The following KIAA1217 variants were observed in gnomAD, a reference collection of about 807,000 sequenced individuals.
The protein encoded by KIAA1217 is sickle tail protein homolog.
In KIAA1217, 88 loss-of-function variants were observed where a neutral mutation model predicts 163.9. That is an observed-to-expected ratio of 0.54 (90% confidence interval 0.45 to 0.64). The LOEUF is 0.64. Among genes scored for constraint, KIAA1217 ranks in the 30% least tolerant of loss-of-function variants. The pLI, the probability that KIAA1217 is intolerant of heterozygous loss-of-function variation, is 0.00. For missense variants in KIAA1217, 2,372 were observed against 2,475.0 expected, an observed-to-expected ratio of 0.96 and a Z score of 0.88; for synonymous variants, 903 against 923.1, an observed-to-expected ratio of 0.98 and a Z score of 0.39.
chr10:24,252,929 G>C (rs577582995), intron 2 of KIAA1217, among the ~76,000 whole-genome samples: 4 of 151,680 alleles, frequency 2.6e-5, no homozygotes, highest in African/African-American at 9.7e-5. Flanking sequence ...GAGGCAGAAA[G>C]ATCGATTGAG....
chr10:24,161,882 T>A (rs552178615), intron 2 of KIAA1217, among the ~76,000 whole-genome samples: 1 of 152,140 alleles, frequency 6.6e-6, no homozygotes, highest in Non-Finnish European at 1.5e-5. Context: ...GGCATAATGG[T>A]TCAAAGTAGA....
intron 2 of KIAA1217, among the ~76,000 whole-genome samples, chr10:24,172,888 G>A (rs2065698133): frequency 6.6e-6 from 1 of 152,154 alleles, no homozygotes; most frequent in South Asian, 2.1e-4. Context: ...AGTGAACTGT[G>A]GACTGTTCCT....
intron 2 of KIAA1217, among the ~76,000 whole-genome samples, chr10:24,226,101 G>A (rs1007376529): frequency 1.3e-5 from 2 of 151,960 alleles, no homozygotes; most frequent in Non-Finnish European, 2.9e-5. Context: ...CCTAAGTTAA[G>A]AAGTCAACAT....
At chr10:23,722,469 T>G (rs1000838049) in intron 1 of KIAA1217, among the ~76,000 whole-genome samples, 5 of 152,170 alleles carry the variant, frequency 3.3e-5, no homozygotes, top group African/African-American at 1.2e-4. Context: ...GCTCTTTAAT[T>G]AGGATAAACA....
rs34564889 is a variant in KIAA1217 at position 24,406,392 on chromosome 10, A to AACACACACAC, written c.553+25344_553+25353dup. Among the ~76,000 whole-genome samples the AACACACACAC allele has an allele frequency of 3.0e-3, 400 of 133,876 alleles. 1 individual carries two copies. Among genetic ancestry groups the AACACACACAC allele is most frequent in the African/African-American group, 0.011 (309 of 29,404 alleles). 87.8% of individuals were successfully genotyped at this position (133,876 alleles called of 152,430 possible). Reference sequence around the variant, plus strand: ...ATATGCAAAGGTACATTCACACACAAACACACACACACACACACACACACA... The same window carrying AACACACACAC: ...ATATGCAAAGGTACATTCACACACAAACACACACACACACACACACACACACACACACACA... On this transcript the variant is annotated intron_variant, in intron 3 of 20. Transcript: ENST00000376454.
At chr10:23,893,956 C>G (rs893967074) in intron 1 of KIAA1217, among the ~76,000 whole-genome samples, 3 of 151,994 alleles carry the variant, frequency 2.0e-5, no homozygotes, top group African/African-American at 4.8e-5. Flanking sequence ...ATGCTAAAAA[C>G]TCTCAATAAA....
At chr10:23,735,810 CAT>C (rs1296026753) in intron 1 of KIAA1217, among the ~76,000 whole-genome samples, 1 of 152,078 alleles carries the variant, frequency 6.6e-6, no homozygotes, top group African/African-American at 2.4e-5. Context: ...ATAAATGACA[CAT>C]ATTTAAAATG....
intron 2 of KIAA1217, among the ~76,000 whole-genome samples, chr10:24,188,351 G>A (rs1388820842): frequency 6.6e-6 from 1 of 152,136 alleles, no homozygotes; most frequent in Non-Finnish European, 1.5e-5. Context: ...AAAAACATAA[G>A]CCATAATACT....
At chr10:23,913,486 G>C (rs550193481) in intron 1 of KIAA1217, among the ~76,000 whole-genome samples, 1 of 151,566 alleles carries the variant, frequency 6.6e-6, no homozygotes, top group South Asian at 2.1e-4. Context: ...CCTTATTAAC[G>C]TGCATGGGGG....
chr10:23,801,101 TA>T (rs1836446948), intron 1 of KIAA1217, among the ~76,000 whole-genome samples: 1 of 152,000 alleles, frequency 6.6e-6, no homozygotes, highest in African/African-American at 2.4e-5. Context: ...ACAGACTGGA[TA>T]AAGAAAATGT....
chr10:23,955,455 C>T (rs886249529), intron 1 of KIAA1217, among the ~76,000 whole-genome samples: 2 of 152,182 alleles, frequency 1.3e-5, no homozygotes, highest in Admixed American at 1.3e-4. Context: ...TGCTTCGCTC[C>T]TTTTATCCAT....
intron 1 of KIAA1217, among the ~76,000 whole-genome samples, chr10:23,976,015 A>G (rs1334564982): frequency 1.3e-5 from 2 of 152,104 alleles, no homozygotes; most frequent in African/African-American, 2.4e-5. Context: ...CTTTCAACCT[A>G]TCATCCACAG....
intron 5 of KIAA1217, among the ~76,000 whole-genome samples, chr10:24,465,083 C>A (rs139916979): frequency 1.3e-5 from 2 of 152,166 alleles, no homozygotes; most frequent in African/African-American, 4.8e-5. Flanking sequence ...CTGGAAAGTA[C>A]GTGCTTGACT....
intron 2 of KIAA1217, among the ~76,000 whole-genome samples, chr10:24,327,389 T>C (rs914541501): frequency 6.6e-6 from 1 of 152,232 alleles, no homozygotes; most frequent in Non-Finnish European, 1.5e-5. Context: ...TATTAATTGA[T>C]GTAAAGTCCC....
intron 1 of KIAA1217, among the ~76,000 whole-genome samples, chr10:23,763,307 C>A (rs182251189): frequency 1.3e-5 from 2 of 152,140 alleles, no homozygotes; most frequent in Admixed American, 1.3e-4. Flanking sequence ...ATAGACAAGA[C>A]AATCCTAAGC....
chr10:23,790,321 A>G (rs62646928), intron 1 of KIAA1217, among the ~76,000 whole-genome samples: 184 of 11,942 alleles, frequency 0.015, 25 homozygotes, highest in Non-Finnish European at 0.032. Flanking sequence ...ATACATATGC[A>G]CATATGCATA....
At chr10:23,938,672 A>G (rs1487197758) in intron 1 of KIAA1217, among the ~76,000 whole-genome samples, 1 of 151,484 alleles carries the variant, frequency 6.6e-6, no homozygotes, top group Non-Finnish European at 1.5e-5. Context: ...TTTAGAGTAA[A>G]AAAAAAAAGG....
chr10:23,854,570 G>T (rs1447713159), intron 1 of KIAA1217, among the ~76,000 whole-genome samples: 2 of 152,076 alleles, frequency 1.3e-5, no homozygotes, highest in Non-Finnish European at 2.9e-5. Context: ...GGGTATCCTT[G>T]TTAACTTTCT....
intron 6 of KIAA1217, among the ~76,000 whole-genome samples, chr10:24,487,494 T>C (rs2065562999): frequency 6.6e-6 from 1 of 152,262 alleles, no homozygotes; most frequent in African/African-American, 2.4e-5. Context: ...TGAAGAACTA[T>C]TTATTAGAGA....
Sources: gnomAD v4.1 joint callset for allele counts (sites outside exome capture counted in the v4.1 genomes callset) on GRCh38, gnomAD v4.1.1 for gene constraint, MANE v1.5 for transcripts, NCBI Gene and HGNC (gene_info 2026-07-23, HGNC 2026-07-21) for gene names.